The following TAOK1 variants were observed in gnomAD, a reference collection of about 807,000 sequenced individuals.
TAOK1 encodes the protein TAO kinase 1.
A neutral mutation model predicts 138.3 loss-of-function variants in TAOK1; 21 were observed. The ratio of observed to expected loss-of-function variants is 0.15; its 90% CI spans 0.11 to 0.22. The LOEUF is 0.22. TAOK1 is among the 10% of genes least tolerant of loss of function. The pLI is 1.00. For synonymous variants in TAOK1, 361 were observed against 398.4 expected (o/e 0.91, Z 1.12); for missense variants, 651 against 1,227.7 (o/e 0.53, Z 7.02).
chr17:29,475,828 T>G (rs2030931430), intron 4 of TAOK1, 57 bp downstream of exon 4: 4 of 1,248,146 alleles, frequency 3.2e-6, no homozygotes. Context: ...TATAATGAAT[T>G]AATTCAGAAT....
chr17:29,523,280 G>GAA (rs754064179), intron 17 of TAOK1, among the ~76,000 whole-genome samples: 1 of 141,900 alleles, frequency 7.0e-6, no homozygotes, highest in Non-Finnish European at 1.5e-5. Context: ...CTACTAGTTA[G>GAA]AAAAAAAAAA....
chr17:29,399,464 C>T (rs527456714), intron 1 of TAOK1, among the ~76,000 whole-genome samples: 5 of 152,106 alleles, frequency 3.3e-5, no homozygotes, highest in Non-Finnish European at 2.9e-5. Flanking sequence ...TACAGGCGCC[C>T]GCCACTATGC....
chr17:29,451,431 CT>C (rs376059583), intron 1 of TAOK1, 23 bp from the exon 2 acceptor site: 124 of 1,295,026 alleles, frequency 9.6e-5, no homozygotes, highest in Admixed American at 1.5e-4. Flanking sequence ...CCTTTTCTGA[CT>C]TTTTTTTTCT....
intron 1 of TAOK1, among the ~76,000 whole-genome samples, chr17:29,400,369 G>A (rs1428832078): frequency 1.6e-4 from 20 of 123,898 alleles, no homozygotes; most frequent in Middle Eastern, 0.013. Flanking sequence ...CAGCCTGGGA[G>A]ACAAGAGCAA....
intron 12 of TAOK1, among the ~76,000 whole-genome samples, chr17:29,500,259 G>A (rs2031499793): frequency 6.6e-6 from 1 of 152,062 alleles, no homozygotes; most frequent in Non-Finnish European, 1.5e-5. Context: ...GGTTTTCAGT[G>A]AGCCAAGATC....
intron 1 of TAOK1, among the ~76,000 whole-genome samples, chr17:29,450,223 A>G (rs1406876294): frequency 6.6e-6 from 1 of 152,020 alleles, no homozygotes; most frequent in Non-Finnish European, 1.5e-5. Context: ...AGTAGCTAGG[A>G]CTATAGGAGC....
chr17:29,474,284 A>G (rs971448789), intron 3 of TAOK1, among the ~76,000 whole-genome samples: 7 of 152,200 alleles, frequency 4.6e-5, no homozygotes, highest in African/African-American at 1.7e-4. Context: ...CTTATCATTC[A>G]TATATTCACT....
chr17:29,500,221 G>A (rs1352977883), intron 12 of TAOK1, among the ~76,000 whole-genome samples: 2 of 152,088 alleles, frequency 1.3e-5, no homozygotes, highest in Non-Finnish European at 2.9e-5. Context: ...GGCTAAGGTG[G>A]TAGGTTCACT....
intron 1 of TAOK1, chr17:29,403,926 A>G (rs938306419): frequency 1.2e-4 from 19 of 152,128 alleles, no homozygotes; most frequent in African/African-American, 4.3e-4. Context: ...AATTCTCTAG[A>G]AAAGTACAAA....
Position 29,475,682 on chromosome 17 carries a change from A to G in TAOK1, c.217A>G (p.Ile73Val). The G allele has an allele frequency of 6.2e-7, 1 of 1,609,102 alleles. No individual in the cohort carries two copies. Among genetic ancestry groups the G allele is most frequent in the South Asian group, 1.1e-5 (1 of 90,006 alleles). Residue 73 changes from isoleucine (I) to valine (V), a missense_variant, in exon 4 of 20, where the codon ATT becomes GTT. Transcript: ENST00000261716. ...GKQSTEKWQD[I>V]IKEVKFLQRI... ...TTTCTCCCCACAGAAATGGCAGGAT[A>G]TTATTAAGGAAGTCAAGTTTCTACA...
intron 19 of TAOK1, among the ~76,000 whole-genome samples, chr17:29,536,825 G>C (rs569696046): frequency 1.3e-5 from 2 of 149,764 alleles, no homozygotes; most frequent in East Asian, 2.0e-4. Flanking sequence ...TCAGCCTCCC[G>C]AGTACCTGGG....
chr17:29,548,776 G>C lies in TAOK1; in HGVS notation c.*5754G>C, dbSNP rs549682912. 1 of 152,016 alleles carries C rather than the reference G, an allele frequency of 6.6e-6. No individual in the cohort carries two copies. Among genetic ancestry groups the C allele is most frequent in the South Asian group, 2.1e-4 (1 of 4,822 alleles). 9.4% of individuals were successfully genotyped at this position (152,016 alleles called of 1,614,324 possible). Reference sequence around the variant, plus strand: ...TTTTGTTTTTGTACTAAAGTTTATAGGTCTGTGCCAGCTAGAGAGAAGTTG... The same window carrying C: ...TTTTGTTTTTGTACTAAAGTTTATACGTCTGTGCCAGCTAGAGAGAAGTTG... On this transcript the variant is annotated 3_prime_UTR_variant, in exon 20 of 20. Transcript: ENST00000261716.
chr17:29,406,418 T>C (rs189097268), intron 1 of TAOK1, among the ~76,000 whole-genome samples: 293 of 152,248 alleles, frequency 1.9e-3, no homozygotes, highest in Non-Finnish European at 3.4e-3. Flanking sequence ...ATGATCAATA[T>C]TGAAGAGGGT....
intron 2 of TAOK1, among the ~76,000 whole-genome samples, chr17:29,465,237 T>G (rs886219931): frequency 4.9e-4 from 65 of 133,584 alleles, no homozygotes; most frequent in African/African-American, 1.8e-3. Context: ...CACTGCAACC[T>G]CTGCCTGCCA....
intron 19 of TAOK1, among the ~76,000 whole-genome samples, chr17:29,537,453 C>T (rs1170816939): frequency 6.6e-6 from 1 of 151,284 alleles, no homozygotes; most frequent in Non-Finnish European, 1.5e-5. Context: ...AAGGCTCAAG[C>T]GGTCCTCCTA....
At chr17:29,405,595 A>G (rs1904967745) in intron 1 of TAOK1, among the ~76,000 whole-genome samples, 2 of 151,530 alleles carry the variant, frequency 1.3e-5, no homozygotes, top group Non-Finnish European at 2.9e-5. Context: ...CCTGGCCAAT[A>G]TGGTGAAACC....
chr17:29,507,958 T>C lies in TAOK1; in HGVS notation c.1401T>C (p.Tyr467=). 3.1e-6 allele frequency: 5 copies of C among 1,614,106 alleles called. No homozygotes were observed. The highest frequency in any genetic ancestry group is 4.2e-6 in the Non-Finnish European group (5 of 1,179,992). Residue 467 remains tyrosine, a synonymous_variant, in exon 14 of 20, where the codon TAT becomes TAC. Coordinates refer to ENST00000261716, the MANE Select transcript of TAOK1 (RefSeq NM_020791.4). ...DSELREQMSG[Y]KRMRRQHQKQ... ...AGCTTAGAGAACAAATGTCTGGCTA[T>C]AAGCGAATGAGGCGACAACATCAAA...
intron 17 of TAOK1, among the ~76,000 whole-genome samples, chr17:29,526,983 G>A (rs2032023033): frequency 6.6e-6 from 1 of 152,130 alleles, no homozygotes; most frequent in South Asian, 2.1e-4. Flanking sequence ...AAAATTAGCT[G>A]GGTGTGGTGG....
chr17:29,507,262 T>G (rs544821165), intron 13 of TAOK1, among the ~76,000 whole-genome samples: 58 of 148,312 alleles, frequency 3.9e-4, no homozygotes, highest in African/African-American at 4.9e-4. Context: ...TAAATTGAGG[T>G]TTTTTTTTTG....
Sources: gnomAD v4.1 joint callset for allele counts (sites outside exome capture counted in the v4.1 genomes callset) on GRCh38, gnomAD v4.1.1 for gene constraint, MANE v1.5 for transcripts, NCBI Gene and HGNC (gene_info 2026-07-23, HGNC 2026-07-21) for gene names.